The following GAS2L3 variants were observed in gnomAD, a reference collection of about 807,000 sequenced individuals.
The protein encoded by GAS2L3 is GAS2-like protein 3.
In GAS2L3, 28 loss-of-function variants were observed where a neutral mutation model predicts 37.0. The ratio of observed to expected loss-of-function variants is 0.76; its 90% confidence interval spans 0.56 to 1.04. GAS2L3 has a LOEUF of 1.04. Ranked by LOEUF, GAS2L3 falls within the 50% of genes least tolerant of loss-of-function variation. GAS2L3 has a pLI of 0.00. For missense variants in GAS2L3, 793 were observed against 817.6 expected (o/e 0.97, Z 0.37); for synonymous variants, 290 against 296.6 (o/e 0.98, Z 0.23).
chr12:100,585,051 G>T (rs922401631), intron 1 of GAS2L3, among the ~76,000 whole-genome samples: 2 of 130,170 alleles, frequency 1.5e-5, no homozygotes, highest in African/African-American at 6.9e-5. Flanking sequence ...ACCACACCTG[G>T]CTATTTTTTT....
chr12:100,624,900 C>A lies in GAS2L3; in HGVS notation c.*10C>A. ...GAAACCTAGAAAATAAATACATACT[C>A]ATTATAAAAAAAGAGAAAAGGAAGA... is the stretch of plus-strand genomic sequence containing the variant. On this transcript the variant is annotated 3_prime_UTR_variant, in exon 10 of 10. Coordinates refer to ENST00000547754, the MANE Select transcript of GAS2L3 (RefSeq NM_174942.3). 3 of 1,519,126 alleles carry A rather than the reference C, an allele frequency of 2.0e-6. No homozygotes were observed. Among genetic ancestry groups the A allele is most frequent in the South Asian group, 2.4e-5 (2 of 81,904 alleles). The allele number at this position is 1,519,126 out of a possible 1,614,324, so 94.1% of individuals were successfully genotyped here. A position where few individuals can be genotyped will look rare whatever the true frequency, so the allele number is the denominator to read the frequency against.
rs75561191 is a variant in GAS2L3 at position 100,585,897 on chromosome 12, C to T, written c.-151-5839C>T. Among the ~76,000 whole-genome samples the T allele has an allele frequency of 1.5e-3, 234 of 152,320 alleles. 2 individuals carry two copies. In the East Asian group the frequency reaches 0.024, roughly 16 times the overall value. The stretch of plus-strand genomic sequence containing the variant: ...TTTCTTATACAGTGTTTCTTTGGCT[C>T]TCACCTTTTCTACCCCTACTTGTTT... On this transcript the variant is annotated intron_variant, in intron 1 of 9. Transcript: ENST00000547754.
intron 1 of GAS2L3, among the ~76,000 whole-genome samples, chr12:100,577,027 ATAGT>A (rs1002536427): frequency 2.0e-5 from 3 of 152,172 alleles, no homozygotes; most frequent in Non-Finnish European, 4.4e-5. Flanking sequence ...CTTTATATAG[ATAGT>A]TAGCTGTTGA....
intron 6 of GAS2L3, among the ~76,000 whole-genome samples, chr12:100,614,131 T>A (rs1468095943): frequency 6.6e-6 from 1 of 152,186 alleles, no homozygotes; most frequent in South Asian, 2.1e-4. Flanking sequence ...CTTTTATATT[T>A]ATTTTTATTT....
chr12:100,601,602 T>C (rs762361325), intron 4 of GAS2L3, 36 bp from the exon 5 acceptor site: 1 of 922,986 alleles, frequency 1.1e-6, no homozygotes, highest in Non-Finnish European at 1.8e-6. Flanking sequence ...GTTTTTATGT[T>C]TCTAGAAGAT....
At chr12:100,589,555 C>T (rs570914176) in intron 1 of GAS2L3, among the ~76,000 whole-genome samples, 5 of 152,194 alleles carry the variant, frequency 3.3e-5, no homozygotes, top group African/African-American at 1.2e-4. Context: ...TCATTCTTCA[C>T]AGAATTAGAA....
chr12:100,619,784 C>T (rs1276511029), intron 8 of GAS2L3, among the ~76,000 whole-genome samples: 4 of 151,910 alleles, frequency 2.6e-5, no homozygotes, highest in Non-Finnish European at 5.9e-5. Context: ...GTGGAAAATA[C>T]AGTGTGTTCA....
chr12:100,621,385 G>A (rs528403821), intron 8 of GAS2L3, among the ~76,000 whole-genome samples: 1 of 151,750 alleles, frequency 6.6e-6, no homozygotes, highest in Non-Finnish European at 1.5e-5. Flanking sequence ...TTTAAATATA[G>A]AATTCTTAAA....
chr12:100,588,849 G>T (rs1035658994), intron 1 of GAS2L3, among the ~76,000 whole-genome samples: 9 of 152,132 alleles, frequency 5.9e-5, no homozygotes, highest in Admixed American at 1.3e-4. Context: ...TAGGCTCTCT[G>T]CAAGAAGAAA....
At chr12:100,586,596 G>T (rs545084880) in intron 1 of GAS2L3, among the ~76,000 whole-genome samples, 10 of 152,254 alleles carry the variant, frequency 6.6e-5, no homozygotes, top group Non-Finnish European at 1.5e-4. Flanking sequence ...TAAGAGGAAA[G>T]TTCATTGCCC....
intron 6 of GAS2L3, among the ~76,000 whole-genome samples, chr12:100,616,037 T>A (rs917403121): frequency 1.3e-5 from 2 of 152,204 alleles, no homozygotes; most frequent in Admixed American, 6.5e-5. Flanking sequence ...GGTGTTGTAA[T>A]TTTGATAAGG....
Position 100,600,545 on chromosome 12 carries a change from T to C in GAS2L3, c.182T>C (p.Leu61Ser). The C allele has an allele frequency of 6.2e-7, 1 of 1,612,968 alleles. No individual in the cohort carries two copies. The highest frequency in any genetic ancestry group is 2.2e-5 in the East Asian group (1 of 44,858). The part of the protein sequence containing the change: ...QEDLSIWLSG[L>S]LGIKVKAEKL... ...GATCTGTCAATCTGGTTATCTGGTT[T>C]ATTAGGTGAGGCTTGAAACAATACC... The change falls in exon 4 of 10, where the codon TTA becomes TCA. Residue 61 changes from leucine to serine, a missense_variant. By Grantham distance (145) the Leu-to-Ser change is moderately radical (BLOSUM62 -2). Transcript: ENST00000547754.
Position 100,577,620 on chromosome 12 carries a change from T to A in GAS2L3, c.-152+3835T>A, listed in dbSNP as rs1410517008. 3.3e-5 allele frequency among the ~76,000 whole-genome samples: 5 copies of A among 152,252 alleles called. No homozygotes were observed. The East Asian group carries it at 9.6e-4, about 29-fold the overall frequency. The stretch of plus-strand genomic sequence containing the variant: ...AGCATCTGTTGCATTTAGGAGTAAT[T>A]CTAGTACTAATTTTAACTCTGATTT... On this transcript the variant is annotated intron_variant, in intron 1 of 9. Coordinates refer to ENST00000547754, the MANE Select transcript of GAS2L3 (RefSeq NM_174942.3).
chr12:100,603,709 C>T (rs191163527), intron 5 of GAS2L3, among the ~76,000 whole-genome samples: 1 of 152,158 alleles, frequency 6.6e-6, no homozygotes, highest in Non-Finnish European at 1.5e-5. Context: ...TTGCCCAGAC[C>T]AATATCCTGG....
At chr12:100,587,568 T>C (rs546908857) in intron 1 of GAS2L3, among the ~76,000 whole-genome samples, 46 of 152,290 alleles carry the variant, frequency 3.0e-4, no homozygotes, top group Non-Finnish European at 1.0e-4. Context: ...AAAATCGGCA[T>C]ACAAGGGGCA....
chr12:100,608,379 C>T (rs1956082873), intron 5 of GAS2L3, among the ~76,000 whole-genome samples: 1 of 152,152 alleles, frequency 6.6e-6, no homozygotes. Context: ...CTGTAACCAC[C>T]ACTTGCCTAC....
At chr12:100,584,084 T>C (rs1038443298) in intron 1 of GAS2L3, among the ~76,000 whole-genome samples, 2 of 152,196 alleles carry the variant, frequency 1.3e-5, no homozygotes, top group Non-Finnish European at 1.5e-5. Flanking sequence ...AAAAACTGTT[T>C]CCTAAACTCC....
intron 2 of GAS2L3, 37 bp from the exon 3 acceptor site, chr12:100,594,838 C>T: frequency 1.3e-6 from 1 of 761,464 alleles, no homozygotes; most frequent in East Asian, 3.2e-5. Context: ...AAAACTGCCA[C>T]TGTTAACTGT....
chr12:100,599,468 A>G (rs920179273), intron 3 of GAS2L3, among the ~76,000 whole-genome samples: 3 of 152,222 alleles, frequency 2.0e-5, no homozygotes, highest in African/African-American at 7.2e-5. Flanking sequence ...AGTTACTTAT[A>G]TAACAACCAT....
Sources: allele counts gnomAD v4.1 joint callset (sites outside exome capture counted in the v4.1 genomes callset), GRCh38; gene constraint gnomAD v4.1.1; transcripts MANE v1.5; gene names NCBI Gene and HGNC (gene_info 2026-07-23, HGNC 2026-07-21).